LRRC9: variants seen among roughly 807,000 people sequenced by gnomAD.
LRRC9 encodes leucine-rich repeat-containing protein 9.
Under a neutral mutation model 63.2 loss-of-function variants are expected in LRRC9, and 122 were observed. That is an observed-to-expected ratio of 1.93 (90% CI 1.67 to 2.24). The LOEUF is 2.24. Among genes scored for constraint, LRRC9 ranks in the 30% most tolerant of loss-of-function variants. The pLI, the probability that LRRC9 is intolerant of heterozygous loss-of-function variation, is 0.00. For synonymous variants in LRRC9, 366 were observed against 213.1 expected (o/e 1.72, Z -6.25); for missense variants, 1,071 against 627.7 (o/e 1.71, Z -7.55).
chr14:59,945,135 G>C (rs1370869556), intron 8 of LRRC9, among the ~76,000 whole-genome samples: 1 of 149,212 alleles, frequency 6.7e-6, no homozygotes, highest in Non-Finnish European at 1.5e-5. Context: ...TCATTTTCTT[G>C]TTTAAAGTGC....
At chr14:59,924,958 C>T (rs1219133471) in intron 1 of LRRC9, among the ~76,000 whole-genome samples, 2 of 151,580 alleles carry the variant, frequency 1.3e-5, no homozygotes, top group African/African-American at 4.9e-5. Context: ...TCCAGATTCC[C>T]GCATGGCTCA....
At chr14:59,920,396 C>T (rs1053084077) in intron 1 of LRRC9, 123 bp downstream of exon 1, 1 of 152,238 alleles carries the variant, frequency 6.6e-6, no homozygotes, top group Non-Finnish European at 1.5e-5. Flanking sequence ...GTCAAGGGAA[C>T]TCCGTAATGG....
intron 7 of LRRC9, among the ~76,000 whole-genome samples, chr14:59,939,363 G>T (rs575774986): frequency 1.6e-4 from 24 of 152,068 alleles, no homozygotes; most frequent in African/African-American, 5.8e-4. Flanking sequence ...GTAGACTGTT[G>T]TAAGGACTTT....
At chr14:60,016,473 T>C (rs1410164379) in intron 23 of LRRC9, among the ~76,000 whole-genome samples, 187 bp from the exon 24 acceptor site, 4 of 152,166 alleles carry the variant, frequency 2.6e-5, no homozygotes, top group Non-Finnish European at 5.9e-5. Flanking sequence ...CCCAGTGTGC[T>C]GGGATTATAG....
chr14:59,996,245 A>T (rs1216972478), intron 17 of LRRC9, among the ~76,000 whole-genome samples: 1 of 152,172 alleles, frequency 6.6e-6, no homozygotes, highest in African/African-American at 2.4e-5. Context: ...TTACTGCCAA[A>T]TATCCTTTCG....
intron 12 of LRRC9, among the ~76,000 whole-genome samples, chr14:59,970,891 T>C (rs759291026): frequency 6.6e-6 from 1 of 152,068 alleles, no homozygotes; most frequent in Non-Finnish European, 1.5e-5. Context: ...GTTTACTCTG[T>C]TGTTTCTTTT....
In LRRC9 at chr14:59,944,574, C is replaced by T; in HGVS notation, c.727-15C>T. 2 of 543,528 alleles carry T rather than the reference C, an allele frequency of 3.7e-6. No homozygotes were observed. Among genetic ancestry groups the T allele is most frequent in the Admixed American group, 3.7e-5 (1 of 27,208 alleles). 33.7% of individuals were successfully genotyped at this position (543,528 alleles called of 1,614,324 possible). A position where few individuals can be genotyped will look rare whatever the true frequency, so the allele number is the denominator to read the frequency against. The stretch of plus-strand genomic sequence containing the variant: ...GTTTTAGCTAATTTTTTGTTGTTTT[C>T]TTTCTTACTTTTAGACCACAGCAAT... On this transcript the variant is annotated splice_polypyrimidine_tract_variant and intron_variant, in intron 7 of 31. Transcript: ENST00000445360.
intron 6 of LRRC9, among the ~76,000 whole-genome samples, chr14:59,937,997 G>A (rs1881229605): frequency 6.6e-6 from 1 of 152,086 alleles, no homozygotes; most frequent in African/African-American, 2.4e-5. Context: ...GAAGAGGAGT[G>A]TTTCTAGGTG....
At position 59,987,145 on chromosome 14, in the gene LRRC9, C is replaced by T. The variant is rs1330873939; in HGVS notation, c.2211+1921C>T. Among the ~76,000 whole-genome samples, 4 of 152,034 alleles carry T rather than the reference C, an allele frequency of 2.6e-5. No homozygotes were observed. In the East Asian group the frequency reaches 7.7e-4, roughly 29 times the overall value. ...AAAATTTTGCCACCTAGGGCAAAAG[C>T]CTCTTCTATGTGCCCCATGCCTTCC... On this transcript the variant is annotated intron_variant, in intron 17 of 31. Coordinates refer to ENST00000445360, the Ensembl canonical transcript of LRRC9.
chr14:60,028,875 G>A (rs1022126714), intron 28 of LRRC9, among the ~76,000 whole-genome samples: 3 of 152,074 alleles, frequency 2.0e-5, no homozygotes, highest in Admixed American at 6.6e-5. Flanking sequence ...GTACATAATA[G>A]GTACTCCATA....
chr14:60,010,100 T>C (rs1474828891), intron 23 of LRRC9, among the ~76,000 whole-genome samples: 1 of 152,186 alleles, frequency 6.6e-6, no homozygotes, highest in East Asian at 1.9e-4. Context: ...TGAAAGACAG[T>C]GGTCCCCCCC....
chr14:60,002,063 G>A (rs1301458382), exon 20 of LRRC9: 1 of 702,080 alleles, frequency 1.4e-6, no homozygotes, highest in South Asian at 1.5e-5. Context: ...TCAAAGTTAG[G>A]ACCTCATTTA....
Position 60,058,788 on chromosome 14 carries a change from T to C in LRRC9, c.4276+766T>C, listed in dbSNP as rs1056302410. On this transcript the variant is annotated intron_variant, in intron 31 of 31. Transcript: ENST00000445360. The surrounding 1 kb of genome is among the most constrained non-coding windows in gnomAD (Gnocchi z 4.4). ...ATTATAAAATGATCTAAGAGCCTCCTATAAAAAAAAGTAGACTGTTCCATG... is the reference window on the plus strand; with the variant it reads ...ATTATAAAATGATCTAAGAGCCTCCCATAAAAAAAAGTAGACTGTTCCATG... 6.7e-6 allele frequency among the ~76,000 whole-genome samples: 1 copy of C among 149,466 alleles called. No homozygotes were observed. The highest frequency in any genetic ancestry group is 1.5e-5 in the Non-Finnish European group (1 of 66,322).
At chr14:60,020,756 CATG>C (rs1330639315) in intron 26 of LRRC9, among the ~76,000 whole-genome samples, 1 of 151,922 alleles carries the variant, frequency 6.6e-6, no homozygotes, top group Non-Finnish European at 1.5e-5. Flanking sequence ...TTACACTCAG[CATG>C]ATGTTTTCAA....
At chr14:59,960,709 A>G (rs1884264160) in intron 9 of LRRC9, among the ~76,000 whole-genome samples, 1 of 152,228 alleles carries the variant, frequency 6.6e-6, no homozygotes, top group African/African-American at 2.4e-5. Context: ...GCCTTCACAT[A>G]TTCTGAGAGC....
rs1894619908 is a variant in LRRC9, at chr14:60,060,908, G to A, written c.4277-2415G>A. On this transcript the variant is annotated intron_variant, in intron 31 of 31. Transcript: ENST00000445360. The surrounding 1 kb of genome is among the most constrained non-coding windows in gnomAD (Gnocchi z 4.0). ...AATGGGAGTTTGGATGACTTTGAGGGGTTCAGGACTTCAGTGAAGGAAGTA... is the reference window on the plus strand; with the variant it reads ...AATGGGAGTTTGGATGACTTTGAGGAGTTCAGGACTTCAGTGAAGGAAGTA... Among the ~76,000 whole-genome samples, 1 of 152,110 alleles carries A rather than the reference G, an allele frequency of 6.6e-6. No individual in the cohort carries two copies. The highest frequency in any genetic ancestry group is 1.5e-5 in the Non-Finnish European group (1 of 67,996).
In LRRC9 at chr14:60,053,104, C is replaced by T. The variant is rs1387149899; in HGVS notation, c.4030C>T (p.Arg1344Ter). ...GCTACATCGCCACATGCTTATATTT[C>T]GACTGCCTAACTTACAGATGTTAGA... Residue 1344 changes from arginine to a stop codon, truncating the protein, a stop_gained, in exon 30 of 32, where the codon CGA (arginine) becomes TGA (stop). Coordinates refer to ENST00000445360, the Ensembl canonical transcript of LRRC9. LOFTEE classifies it high-confidence loss of function. This position sits in a 1 kb window ranked among gnomAD's most constrained non-coding sequence, Gnocchi z 4.8. The T allele has an allele frequency of 1.6e-5, 11 of 701,112 alleles. No homozygotes were observed. The highest frequency in any genetic ancestry group is 3.0e-5 in the South Asian group (2 of 67,240). The allele number at this position is 701,112 out of a possible 1,614,324, so 43.4% of individuals were successfully genotyped here.
At chr14:59,969,788 T>C (rs1885274686) in intron 12 of LRRC9, among the ~76,000 whole-genome samples, 1 of 152,196 alleles carries the variant, frequency 6.6e-6, no homozygotes, top group African/African-American at 2.4e-5. Context: ...CTACCGAATA[T>C]TGTTTGTAAT....
chr14:59,960,076 G>A, intron 9 of LRRC9, 62 bp downstream of exon 9: 2 of 575,474 alleles, frequency 3.5e-6, no homozygotes, highest in Non-Finnish European at 6.2e-6. Flanking sequence ...AATGTTTTGG[G>A]CCATCAGTTG....
Sources: allele counts gnomAD v4.1 joint callset (sites outside exome capture counted in the v4.1 genomes callset), GRCh38; gene constraint gnomAD v4.1.1; non-coding constraint Gnocchi (gnomAD v3.1); transcripts MANE v1.5; gene names NCBI Gene and HGNC (gene_info 2026-07-23, HGNC 2026-07-21).